ZC3H12B: variants seen among roughly 807,000 people sequenced by gnomAD.
ZC3H12B encodes zinc finger CCCH-type containing 12B.
ZC3H12B carries 7 observed loss-of-function variants against 43.9 expected under a neutral mutation model. The ratio of observed to expected loss-of-function variants is 0.16; its 90% CI spans 0.09 to 0.30. ZC3H12B has a LOEUF of 0.30. ZC3H12B is among the 10% of genes least tolerant of loss of function. ZC3H12B has a pLI of 1.00. For missense variants in ZC3H12B, 475 were observed against 670.2 expected (o/e 0.71, Z 3.22); for synonymous variants, 222 against 241.7 (o/e 0.92, Z 0.76).
the ZC3H12B span, among the ~76,000 whole-genome samples, chrX:65,152,636 T>C: frequency 9.0e-6 from 1 of 111,235 alleles, no homozygotes; most frequent in Non-Finnish European, 1.9e-5. Flanking sequence ...GAAGAATCAA[T>C]ATCGTGAAAA....
chrX:65,420,241 C>T (rs1477413048), intron 3 of ZC3H12B, among the ~76,000 whole-genome samples: 1 of 111,926 alleles, frequency 8.9e-6, no homozygotes, highest in Non-Finnish European at 1.9e-5. Context: ...GGCTTCATAC[C>T]ACCCCTCACA....
chrX:65,203,075 C>T, the ZC3H12B span, among the ~76,000 whole-genome samples: 2 of 112,067 alleles, frequency 1.8e-5, no homozygotes, highest in Non-Finnish European at 3.8e-5. Context: ...ACTCAAGGCC[C>T]TAGTGCTCTT....
chrX:65,219,646 G>A, the ZC3H12B span, among the ~76,000 whole-genome samples: 1 of 111,515 alleles, frequency 9.0e-6, no homozygotes, highest in Admixed American at 9.6e-5. Context: ...CCAAGAAGTT[G>A]GAGATTTTGT....
chrX:65,364,646 G>A, upstream of ZC3H12B, among the ~76,000 whole-genome samples: 2 of 111,060 alleles, frequency 1.8e-5, no homozygotes, highest in Middle Eastern at 9.2e-3. Context: ...CAGCCTCACA[G>A]GCCCATTCTA....
chrX:65,244,568 C>A, the ZC3H12B span, among the ~76,000 whole-genome samples: 105 of 107,937 alleles, frequency 9.7e-4, no homozygotes, highest in African/African-American at 3.3e-3. Flanking sequence ...AACATAGGTT[C>A]TGTTTGTACA....
At chrX:65,174,874 G>A in the ZC3H12B span, among the ~76,000 whole-genome samples, 1 of 109,764 alleles carries the variant, frequency 9.1e-6, no homozygotes, top group Non-Finnish European at 1.9e-5. Flanking sequence ...ATTTCCAGGG[G>A]AGTTTACAGT....
the ZC3H12B span, among the ~76,000 whole-genome samples, chrX:65,309,684 A>T: frequency 8.9e-6 from 1 of 112,154 alleles, no homozygotes; most frequent in African/African-American, 3.2e-5. Flanking sequence ...TAGCAGAGAC[A>T]CAACGAAAAA....
intron 3 of ZC3H12B, among the ~76,000 whole-genome samples, chrX:65,410,273 G>A (rs971809387): frequency 4.5e-5 from 5 of 111,456 alleles, no homozygotes; most frequent in Non-Finnish European, 9.4e-5. Flanking sequence ...GCAGAAAGAT[G>A]AAACTAGACC....
chrX:65,192,800 A>G, the ZC3H12B span, among the ~76,000 whole-genome samples: 2 of 111,115 alleles, frequency 1.8e-5, no homozygotes, highest in South Asian at 7.6e-4. Flanking sequence ...AGATAGATAG[A>G]TAGATTGTTT....
the ZC3H12B span, among the ~76,000 whole-genome samples, chrX:65,297,160 A>G: frequency 9.0e-6 from 1 of 111,557 alleles, no homozygotes; most frequent in Non-Finnish European, 1.9e-5. Context: ...CAATCAGACA[A>G]GAGGTAGAAA....
At chrX:65,052,006 C>G in the ZC3H12B span, among the ~76,000 whole-genome samples, 1 of 110,524 alleles carries the variant, frequency 9.0e-6, no homozygotes, top group African/African-American at 3.3e-5. Context: ...GTGATGTTAT[C>G]TATAGGAGTA....
At chrX:65,083,291 G>A in the ZC3H12B span, among the ~76,000 whole-genome samples, 3 of 111,343 alleles carry the variant, frequency 2.7e-5, no homozygotes, top group Admixed American at 2.9e-4. Flanking sequence ...GATATAAAGG[G>A]CATCTACATT....
At chrX:65,360,095 T>C in the ZC3H12B span, among the ~76,000 whole-genome samples, 3 of 112,075 alleles carry the variant, frequency 2.7e-5, no homozygotes, top group African/African-American at 9.7e-5. Flanking sequence ...TAAAATATTT[T>C]CAAAAAAGTG....
chrX:65,365,998 A>C (rs955564721), upstream of ZC3H12B, among the ~76,000 whole-genome samples: 14 of 110,668 alleles, frequency 1.3e-4, no homozygotes, highest in Non-Finnish European at 2.5e-4. Context: ...GAATGAAGCT[A>C]ATTTCACCAA....
At chrX:65,345,040 T>A in the ZC3H12B span, among the ~76,000 whole-genome samples, 1 of 111,924 alleles carries the variant, frequency 8.9e-6, no homozygotes, top group Non-Finnish European at 1.9e-5. Flanking sequence ...TTAAAAAGGC[T>A]AAAAATAACA....
chrX:65,092,090 C>T, the ZC3H12B span, among the ~76,000 whole-genome samples: 6 of 111,668 alleles, frequency 5.4e-5, no homozygotes, highest in South Asian at 2.3e-3. Context: ...CTCACTTTCT[C>T]TTCATCCTGC....
At chrX:65,068,362 A>AT in the ZC3H12B span, among the ~76,000 whole-genome samples, 1 of 109,615 alleles carries the variant, frequency 9.1e-6, no homozygotes, top group African/African-American at 3.3e-5. Context: ...GTTGCTTTTT[A>AT]TTTTTTGTGT....
At chrX:65,179,224 A>G in the ZC3H12B span, among the ~76,000 whole-genome samples, 37 of 107,541 alleles carry the variant, frequency 3.4e-4, 1 homozygote, top group East Asian at 5.6e-3. Context: ...ACATGGACAC[A>G]GGGAGGGGAA....
chrX:65,384,548 A>T (rs191073214), intron 2 of ZC3H12B, among the ~76,000 whole-genome samples: 5 of 111,603 alleles, frequency 4.5e-5, no homozygotes, highest in Admixed American at 2.9e-4. Flanking sequence ...AGGAAAAAAA[A>T]GTTGGTATTC....
Sources: allele counts gnomAD v4.1 joint callset (sites outside exome capture counted in the v4.1 genomes callset), GRCh38; gene constraint gnomAD v4.1.1; transcripts MANE v1.5; gene names NCBI Gene and HGNC (gene_info 2026-07-23, HGNC 2026-07-21).